Variants in ZNF207 observed in about 807,000 individuals in gnomAD.
The protein encoded by ZNF207 is zinc finger protein 207, also known as BUB3-interacting and GLEBS motif-containing protein ZNF207.
ZNF207 carries 24 observed loss-of-function variants against 60.2 expected under a neutral mutation model. The ratio of observed to expected loss-of-function variants is 0.40; its 90% CI spans 0.29 to 0.56. The LOEUF (loss-of-function observed/expected upper bound fraction) is 0.56, where lower values mean the gene tolerates loss of function less well. Ranked by LOEUF, ZNF207 falls within the 20% of genes least tolerant of loss-of-function variation. The pLI, the probability that ZNF207 is intolerant of heterozygous loss-of-function variation, is 0.49. For synonymous variants in ZNF207, 236 were observed against 194.7 expected (o/e 1.21, Z -1.77); for missense variants, 452 against 636.6 (o/e 0.71, Z 3.12).
chr17:32,355,513 T>A (rs763462908), intron 2 of ZNF207, among the ~76,000 whole-genome samples: 1 of 152,194 alleles, frequency 6.6e-6, no homozygotes, highest in Admixed American at 6.5e-5. Context: ...CTATTAAATA[T>A]CCAGATGAAA....
chr17:32,356,643 T>G (rs1904524050), intron 2 of ZNF207, among the ~76,000 whole-genome samples: 1 of 152,190 alleles, frequency 6.6e-6, no homozygotes, highest in Non-Finnish European at 1.5e-5. Flanking sequence ...TATATCTAAG[T>G]CATTAGCCTA....
intron 7 of ZNF207, among the ~76,000 whole-genome samples, chr17:32,364,351 GTTTT>G (rs1229526633): frequency 1.1e-4 from 16 of 139,796 alleles, no homozygotes; most frequent in African/African-American, 3.9e-4. Context: ...GCTATTAGTT[GTTTT>G]TTTTTCTTTT....
intron 8 of ZNF207, 140 bp from the exon 9 acceptor site, chr17:32,366,525 T>C (rs1336731606): frequency 1.9e-6 from 1 of 530,636 alleles, no homozygotes; most frequent in Non-Finnish European, 3.1e-6. Context: ...ATTAACTGCC[T>C]GCCTTTTAAA....
Position 32,367,533 on chromosome 17 carries a change from T to C in ZNF207, c.922-239T>C, listed in dbSNP as rs535878146. The stretch of plus-strand genomic sequence containing the variant: ...GAGGAGGTAGAAGACATCTAACAAG[T>C]TAAATATGCAGTCTTATTTCCACTG... On this transcript the variant is annotated intron_variant, in intron 9 of 11. Coordinates refer to ENST00000394670, the MANE Select transcript of ZNF207 (RefSeq NM_001098507.2). Among the ~76,000 whole-genome samples the C allele has an allele frequency of 2.0e-5, 3 of 152,072 alleles. No individual in the cohort carries two copies. In the South Asian group the frequency reaches 6.2e-4, roughly 32 times the overall value.
At chr17:32,350,407 T>A in intron 1 of ZNF207, 81 bp downstream of exon 1, 1 of 1,585,734 alleles carries the variant, frequency 6.3e-7, no homozygotes, top group South Asian at 1.1e-5. Context: ...TGGATTTGGC[T>A]TACGGCGTGG....
At chr17:32,356,168 C>T (rs9904754) in intron 2 of ZNF207, among the ~76,000 whole-genome samples, 20,652 of 152,126 alleles carry the variant, frequency 0.14, 1,510 homozygotes, top group Middle Eastern at 0.17. Flanking sequence ...TGCAGTTTCT[C>T]ATCAGTGCTT....
intron 1 of ZNF207, 105 bp from the exon 2 acceptor site, chr17:32,351,681 A>G (rs1407625476): frequency 6.2e-6 from 10 of 1,606,104 alleles, no homozygotes; most frequent in Non-Finnish European, 7.7e-6. Context: ...TCTATACAGT[A>G]CCATTTTGGT....
At chr17:32,361,798 A>G (rs577110059) in intron 6 of ZNF207, among the ~76,000 whole-genome samples, 2 of 152,360 alleles carry the variant, frequency 1.3e-5, no homozygotes, top group East Asian at 1.9e-4. Flanking sequence ...AAGAAAGACT[A>G]TATTCTATGA....
Position 32,380,000 on chromosome 17 carries a change from T to C in ZNF207, c.*10241T>C, listed in dbSNP as rs1442161325. On this transcript the variant is annotated 3_prime_UTR_variant, in exon 12 of 12. Transcript: ENST00000394670. ...ACCAATAATAAACAGTCAACTGTGATGCTTTTTAGTATGAACAATGATAGT... is the reference window on the plus strand; with the variant it reads ...ACCAATAATAAACAGTCAACTGTGACGCTTTTTAGTATGAACAATGATAGT... The C allele has an allele frequency of 6.6e-6, 1 of 152,306 alleles. No individual in the cohort carries two copies. The highest frequency in any genetic ancestry group is 1.5e-5 in the Non-Finnish European group (1 of 68,038). The allele number at this position is 152,306 out of a possible 1,614,324, so 9.4% of individuals were successfully genotyped here.
chr17:32,368,210 T>C, intron 10 of ZNF207, 196 bp downstream of exon 10: 1 of 765,672 alleles, frequency 1.3e-6, no homozygotes, highest in Admixed American at 3.1e-5. Flanking sequence ...GTTTTGGTCT[T>C]AGATGGTTTC....
At chr17:32,355,221 C>G (rs1904435312) in intron 2 of ZNF207, among the ~76,000 whole-genome samples, 1 of 152,004 alleles carries the variant, frequency 6.6e-6, no homozygotes. Context: ...ATAATGAGAC[C>G]CTGTCTCTAC....
Position 32,370,529 on chromosome 17 carries a change from G to C in ZNF207, c.*770G>C, listed in dbSNP as rs574335768. 3.9e-5 allele frequency: 6 copies of C among 152,300 alleles called. No homozygotes were observed. The East Asian group carries it at 1.2e-3, about 29-fold the overall frequency. The allele number at this position is 152,300 out of a possible 1,614,324, so 9.4% of individuals were successfully genotyped here. ...ATGTTTTAAACTGAATTTGCATAGA[G>C]TTGTATGTTAATGTTTCAGTTAAGA... On this transcript the variant is annotated 3_prime_UTR_variant, in exon 12 of 12. Coordinates refer to ENST00000394670, the MANE Select transcript of ZNF207 (RefSeq NM_001098507.2).
In ZNF207 at chr17:32,360,592, TAACAGA is replaced by T; in HGVS notation, c.308-3_310del. On this transcript the variant is annotated splice_acceptor_variant and splice_polypyrimidine_tract_variant and coding_sequence_variant and intron_variant, in exon 4 of 12. Coordinates refer to ENST00000394670, the MANE Select transcript of ZNF207 (RefSeq NM_001098507.2). LOFTEE classifies it high-confidence loss of function. ...CTCTATGGAAATAATTTTTTTTTTT[TAACAGA>T]AAGTCAAAAAAAGAAGCAACAAGAT... 6.3e-7 allele frequency: 1 copy of T among 1,584,156 alleles called. No homozygotes were observed. Among genetic ancestry groups the T allele is most frequent in the Admixed American group, 2.0e-5 (1 of 51,070 alleles).
chr17:32,355,379 A>AAC (rs1432864509), intron 2 of ZNF207, among the ~76,000 whole-genome samples: 1 of 152,168 alleles, frequency 6.6e-6, no homozygotes, highest in Admixed American at 6.5e-5. Flanking sequence ...ACAAGAGTGA[A>AAC]ACCCTGTCTC....
At position 32,369,681 on chromosome 17, in the gene ZNF207, G is replaced by A. The variant is rs1370289127; in HGVS notation, c.1407G>A (p.Val469=). The change falls in exon 12 of 12, where the codon GTG becomes GTA. Residue 469 remains valine (V), a synonymous_variant. Transcript: ENST00000394670. ...CGTATGGGCAGGGACCGCCAATGGTGCCCCCTTACCAGGGTGGGCCTCCTC... is the reference window on the plus strand; with the variant it reads ...CGTATGGGCAGGGACCGCCAATGGTACCCCCTTACCAGGGTGGGCCTCCTC... ...MPPYGQGPPM[V]PPYQGGPPRP... is the part of the protein sequence containing the mutation. The A allele has an allele frequency of 4.4e-6, 7 of 1,598,824 alleles. No individual in the cohort carries two copies. Among genetic ancestry groups the A allele is most frequent in the Non-Finnish European group, 6.0e-6 (7 of 1,173,106 alleles).
At chr17:32,365,076 C>T (rs1905099459) in intron 7 of ZNF207, among the ~76,000 whole-genome samples, 1 of 152,136 alleles carries the variant, frequency 6.6e-6, no homozygotes, top group Non-Finnish European at 1.5e-5. Context: ...TCAGTAGGAC[C>T]AGTAAGCATA....
chr17:32,378,632 T>G lies in ZNF207; in HGVS notation c.*8873T>G, dbSNP rs1034311754. On this transcript the variant is annotated 3_prime_UTR_variant, in exon 12 of 12. Coordinates refer to ENST00000394670, the MANE Select transcript of ZNF207 (RefSeq NM_001098507.2). The stretch of plus-strand genomic sequence containing the variant: ...CATCAAGAAATGTAGCTAGATTCTT[T>G]ATGTAACACTTTTGAGGGGCAGTGG... 6.6e-6 allele frequency: 1 copy of G among 152,100 alleles called. No homozygotes were observed. Among genetic ancestry groups the G allele is most frequent in the Non-Finnish European group, 1.5e-5 (1 of 67,940 alleles). 9.4% of individuals were successfully genotyped at this position (152,100 alleles called of 1,614,324 possible). A position where few individuals can be genotyped will look rare whatever the true frequency, so the allele number is the denominator to read the frequency against.
chr17:32,352,170 A>T (rs1421444677), intron 2 of ZNF207, among the ~76,000 whole-genome samples: 3 of 152,136 alleles, frequency 2.0e-5, no homozygotes, highest in Admixed American at 6.5e-5. Flanking sequence ...GGGTTTCACC[A>T]TGTTGGCCAG....
At position 32,351,727 on chromosome 17, in the gene ZNF207, T is replaced by G. The variant is rs1348764978; in HGVS notation, c.42-59T>G. 3.7e-6 allele frequency: 6 copies of G among 1,610,776 alleles called. No individual in the cohort carries two copies. The Middle Eastern group carries it at 6.8e-4, about 183-fold the overall frequency. On this transcript the variant is annotated intron_variant, in intron 1 of 11. Coordinates refer to ENST00000394670, the MANE Select transcript of ZNF207 (RefSeq NM_001098507.2). ...CCCATATTGTAATGTTATCCATATGTTTTTATTATAGGCAGTGTCATCATT... is the reference window on the plus strand; with the variant it reads ...CCCATATTGTAATGTTATCCATATGGTTTTATTATAGGCAGTGTCATCATT...
Sources: allele counts gnomAD v4.1 joint callset (sites outside exome capture counted in the v4.1 genomes callset), GRCh38; gene constraint gnomAD v4.1.1; transcripts MANE v1.5; gene names NCBI Gene and HGNC (gene_info 2026-07-23, HGNC 2026-07-21).